The following C1orf174 variants were observed in gnomAD, a reference collection of about 807,000 sequenced individuals.
C1orf174 encodes chromosome 1 open reading frame 174.
In C1orf174, 13 loss-of-function variants were observed where a neutral mutation model predicts 18.4. The ratio of observed to expected loss-of-function variants is 0.71; its 90% CI spans 0.46 to 1.12. The LOEUF is 1.12. C1orf174 is among the 50% of genes most tolerant of loss of function. C1orf174 has a pLI of 0.00. For missense variants in C1orf174, 309 were observed against 308.0 expected (o/e 1.00, Z -0.02); for synonymous variants, 100 against 118.3 (o/e 0.85, Z 1.01).
In C1orf174 at chr1:3,900,217, GC is replaced by G; in HGVS notation, c.-32del. The G allele has an allele frequency of 6.4e-7, 1 of 1,563,126 alleles. No homozygotes were observed. The highest frequency in any genetic ancestry group is 1.8e-5 in the Admixed American group (1 of 54,232). On this transcript the variant is annotated 5_prime_UTR_variant, in exon 1 of 4. Coordinates refer to ENST00000361605, the MANE Select transcript of C1orf174 (RefSeq NM_207356.3). ...TGAGCACCGCAGCCAAGCACCGCGC[GC>G]CCCGGCCAACGCGTCCCGGCGGAGC... is the stretch of plus-strand genomic sequence containing the variant.
chr1:3,900,269 C>T lies in C1orf174; in HGVS notation c.-83G>A, dbSNP rs376214254. 5 of 1,440,130 alleles carry T rather than the reference C, an allele frequency of 3.5e-6. No homozygotes were observed. Among genetic ancestry groups the T allele is most frequent in the Admixed American group, 2.8e-5 (1 of 35,592 alleles). The allele number at this position is 1,440,130 out of a possible 1,614,324, so 89.2% of individuals were successfully genotyped here. Reference sequence around the variant, plus strand: ...GGCGACCCGGAGTCTGCAGAGCGCGCCGCGGCGGCGTCCGACGTCAGCACA... The same window carrying T: ...GGCGACCCGGAGTCTGCAGAGCGCGTCGCGGCGGCGTCCGACGTCAGCACA... On this transcript the variant is annotated 5_prime_UTR_variant, in exon 1 of 4. Transcript: ENST00000361605.
At chr1:3,891,774 A>G in intron 2 of C1orf174, 2 of 986,150 alleles carry the variant, frequency 2.0e-6, no homozygotes, top group African/African-American at 1.7e-5. Flanking sequence ...ATGACTCCAT[A>G]GCACGCTAAG....
chr1:3,898,827 C>T (rs189027901), intron 1 of C1orf174, among the ~76,000 whole-genome samples: 1 of 152,196 alleles, frequency 6.6e-6, no homozygotes, highest in African/African-American at 2.4e-5. Context: ...AAGGAAATGA[C>T]CACAGACAGA....
intron 1 of C1orf174, among the ~76,000 whole-genome samples, chr1:3,896,517 A>G (rs145584156): frequency 6.6e-6 from 1 of 152,296 alleles, no homozygotes; most frequent in East Asian, 1.9e-4. Context: ...AACTAAACAG[A>G]CAGCTCTTAC....
chr1:3,897,023 G>C (rs1287591458), intron 1 of C1orf174, among the ~76,000 whole-genome samples: 1 of 152,128 alleles, frequency 6.6e-6, no homozygotes, highest in Non-Finnish European at 1.5e-5. Context: ...AAACAAATAA[G>C]CATATTAACA....
chr1:3,900,108 G>C (rs1638683239), intron 1 of C1orf174, 64 bp downstream of exon 1: 1 of 1,544,298 alleles, frequency 6.5e-7, no homozygotes, highest in African/African-American at 1.4e-5. Flanking sequence ...CGGTTCTCCA[G>C]ACAGCAGGTG....
intron 1 of C1orf174, among the ~76,000 whole-genome samples, chr1:3,899,258 T>G (rs1034544069): frequency 6.6e-6 from 1 of 152,190 alleles, no homozygotes; most frequent in African/African-American, 2.4e-5. Flanking sequence ...ACTACCAGAC[T>G]GCATTTTAAA....
At chr1:3,893,274 G>A (rs896706679) in intron 1 of C1orf174, among the ~76,000 whole-genome samples, 4 of 152,110 alleles carry the variant, frequency 2.6e-5, no homozygotes, top group Non-Finnish European at 5.9e-5. Context: ...GTCCTTTAGT[G>A]GAAATTAAGT....
At chr1:3,899,599 T>C (rs1195026110) in intron 1 of C1orf174, among the ~76,000 whole-genome samples, 2 of 152,256 alleles carry the variant, frequency 1.3e-5, no homozygotes, top group Non-Finnish European at 2.9e-5. Flanking sequence ...ACTTGCTGTG[T>C]GACGTCCATT....
intron 1 of C1orf174, among the ~76,000 whole-genome samples, chr1:3,897,304 G>A (rs1638623455): frequency 6.6e-6 from 1 of 152,170 alleles, no homozygotes; most frequent in Non-Finnish European, 1.5e-5. Flanking sequence ...AGATAATGCT[G>A]CATCAAAGAG....
At chr1:3,895,406 G>A (rs1208686742) in intron 1 of C1orf174, 3 of 152,268 alleles carry the variant, frequency 2.0e-5, no homozygotes, top group African/African-American at 7.2e-5. Context: ...GCTTCTCAAG[G>A]CTTCTGTCAG....
At chr1:3,893,863 C>T (rs971594593) in intron 1 of C1orf174, among the ~76,000 whole-genome samples, 5 of 152,184 alleles carry the variant, frequency 3.3e-5, no homozygotes, top group African/African-American at 1.2e-4. Context: ...CACCACTGCA[C>T]TCCACCTGGG....
Position 3,895,967 on chromosome 1 carries a change from T to C in C1orf174, c.16-2971A>G, listed in dbSNP as rs1638599556. 3 of 152,548 alleles carry C rather than the reference T, an allele frequency of 2.0e-5. No homozygotes were observed. The South Asian group carries it at 6.2e-4, about 32-fold the overall frequency. The allele number at this position is 152,548 out of a possible 1,614,324, so 9.4% of individuals were successfully genotyped here. A position where few individuals can be genotyped will look rare whatever the true frequency, so the allele number is the denominator to read the frequency against. ...CCCAAAACAGCCATTTAGAGAGCCT[T>C]TGGAAATGGTCCTATGGGCACCCAG... On this transcript the variant is annotated intron_variant, in intron 1 of 3. Coordinates refer to ENST00000361605, the MANE Select transcript of C1orf174 (RefSeq NM_207356.3).
rs978716988 is a variant in C1orf174 at position 3,889,701 on chromosome 1, A to T, written c.*259T>A. On this transcript the variant is annotated 3_prime_UTR_variant, in exon 4 of 4. Coordinates refer to ENST00000361605, the MANE Select transcript of C1orf174 (RefSeq NM_207356.3). ...CAAGAGAGAAACTCTGTCTCCAAGG[A>T]AAAAAAAAAAAAAAAAAAAAGAAAG... is the stretch of plus-strand genomic sequence containing the variant. 1 of 53,586 alleles carries T rather than the reference A, an allele frequency of 1.9e-5. No homozygotes were observed. Among genetic ancestry groups the T allele is most frequent in the African/African-American group, 1.3e-4 (1 of 7,528 alleles). The allele number at this position is 53,586 out of a possible 1,614,324, so 3.3% of individuals were successfully genotyped here.
At position 3,889,198 on chromosome 1, in the gene C1orf174, G is replaced by A. The variant is rs530266189; in HGVS notation, c.*762C>T. 10 of 152,210 alleles carry A rather than the reference G, an allele frequency of 6.6e-5. No homozygotes were observed. Among genetic ancestry groups the A allele is most frequent in the South Asian group, 4.1e-4 (2 of 4,822 alleles). 9.4% of individuals were successfully genotyped at this position (152,210 alleles called of 1,614,324 possible). A position where few individuals can be genotyped will look rare whatever the true frequency, so the allele number is the denominator to read the frequency against. On this transcript the variant is annotated 3_prime_UTR_variant, in exon 4 of 4. Transcript: ENST00000361605. ...TGCAAAATTTCCAAGGTAAACATTA[G>A]CTCCACATACAGAAATAAAAGAGTT...
chr1:3,889,880 T>G lies in C1orf174; in HGVS notation c.*80A>C. 1.6e-6 allele frequency: 2 copies of G among 1,255,442 alleles called. No individual in the cohort carries two copies. The highest frequency in any genetic ancestry group is 2.3e-6 in the Non-Finnish European group (2 of 855,668). The allele number at this position is 1,255,442 out of a possible 1,614,324, so 77.8% of individuals were successfully genotyped here. A position where few individuals can be genotyped will look rare whatever the true frequency, so the allele number is the denominator to read the frequency against. ...TTAAGACATTCTCTTGGAGATACATTTTATATAAATCTTGTAATGTGCTAA... is the reference window on the plus strand; with the variant it reads ...TTAAGACATTCTCTTGGAGATACATGTTATATAAATCTTGTAATGTGCTAA... On this transcript the variant is annotated 3_prime_UTR_variant, in exon 4 of 4. Coordinates refer to ENST00000361605, the MANE Select transcript of C1orf174 (RefSeq NM_207356.3).
At chr1:3,895,974 T>C (rs1638599623) in intron 1 of C1orf174, 2 of 152,534 alleles carry the variant, frequency 1.3e-5, no homozygotes, top group Admixed American at 6.5e-5. Flanking sequence ...CCTTTGGAAA[T>C]GGTCCTATGG....
intron 1 of C1orf174, among the ~76,000 whole-genome samples, chr1:3,897,813 G>C (rs140430335): frequency 6.6e-6 from 1 of 151,994 alleles, no homozygotes; most frequent in Non-Finnish European, 1.5e-5. Context: ...ACAGGCGCCC[G>C]CCACCACGCC....
At chr1:3,891,361 A>T (rs1031783761) in intron 2 of C1orf174, 74 of 299,648 alleles carry the variant, frequency 2.5e-4, no homozygotes, top group African/African-American at 1.6e-3. Flanking sequence ...TCTGAAGCAT[A>T]TATTTATATA....
Sources: allele counts gnomAD v4.1 joint callset (sites outside exome capture counted in the v4.1 genomes callset), GRCh38; gene constraint gnomAD v4.1.1; transcripts MANE v1.5; gene names NCBI Gene and HGNC (gene_info 2026-07-23, HGNC 2026-07-21).